Variants in CBR4 observed in about 807,000 individuals in gnomAD.
The protein encoded by CBR4 is carbonyl reductase 4.
Under a neutral mutation model 21.0 loss-of-function variants are expected in CBR4, and 22 were observed. That is an observed-to-expected ratio of 1.05 (90% CI 0.75 to 1.50). The LOEUF is 1.50. Ranked by LOEUF, CBR4 falls within the 40% of genes most tolerant of loss-of-function variation. CBR4 has a pLI of 0.00. For missense variants in CBR4, 302 were observed against 286.3 expected (o/e 1.05, Z -0.40); for synonymous variants, 100 against 104.4 (o/e 0.96, Z 0.26).
At chr4:168,994,879 C>T (rs975949593) in intron 4 of CBR4, among the ~76,000 whole-genome samples, 1 of 151,710 alleles carries the variant, frequency 6.6e-6, no homozygotes, top group Non-Finnish European at 1.5e-5. Context: ...CTTAGCCTCC[C>T]GAGTAGTTAG....
At chr4:168,965,618 T>C (rs1763999791) in intron 2 of CBR4, among the ~76,000 whole-genome samples, 1 of 152,200 alleles carries the variant, frequency 6.6e-6, no homozygotes, top group South Asian at 2.1e-4. Flanking sequence ...CCATCTGATC[T>C]TTGACAAACC....
At chr4:168,924,215 T>C in intron 2 of CBR4, 1 of 1,572,300 alleles carries the variant, frequency 6.4e-7, no homozygotes, top group Admixed American at 1.7e-5. Context: ...GTGCTCCTTT[T>C]GTATATCATT....
intron 2 of CBR4, among the ~76,000 whole-genome samples, chr4:168,910,804 G>A (rs992885780): frequency 6.6e-6 from 1 of 152,272 alleles, no homozygotes; most frequent in African/African-American, 2.4e-5. Context: ...AATGCAATAC[G>A]AAGGTATTTA....
Position 168,918,623 on chromosome 4 carries a change from AC to A in CBR4, n.170-23859del, listed in dbSNP as rs541922472. 4.6e-5 allele frequency among the ~76,000 whole-genome samples: 7 copies of A among 152,300 alleles called. No individual in the cohort carries two copies. The East Asian group carries it at 1.4e-3, about 29-fold the overall frequency. On this transcript the variant is annotated intron_variant and non_coding_transcript_variant, in intron 2 of 3. Transcript: ENST00000509108. ...AAGAGATCTGTTGTACAACATGGTG[AC>A]TATAGTTAATAACGATGTACTATAT... is the stretch of plus-strand genomic sequence containing the variant.
intron 2 of CBR4, among the ~76,000 whole-genome samples, chr4:168,943,085 C>T (rs954704609): frequency 1.3e-5 from 2 of 152,204 alleles, no homozygotes; most frequent in African/African-American, 2.4e-5. Flanking sequence ...ACAAAGAGAA[C>T]TACCATACGA....
At chr4:168,895,417 T>C (rs1283643585) in intron 2 of CBR4, among the ~76,000 whole-genome samples, 1 of 152,194 alleles carries the variant, frequency 6.6e-6, no homozygotes, top group African/African-American at 2.4e-5. Flanking sequence ...TATACGACTT[T>C]TGACTCTTCA....
intron 2 of CBR4, among the ~76,000 whole-genome samples, chr4:168,895,392 A>T (rs1424803763): frequency 6.6e-6 from 1 of 152,230 alleles, no homozygotes; most frequent in Non-Finnish European, 1.5e-5. Flanking sequence ...AAAACAAAAC[A>T]AAACTAAAAA....
rs1762353882 is a variant in CBR4 at position 168,925,241 on chromosome 4, C to T, written n.170-30476G>A. On this transcript the variant is annotated intron_variant and non_coding_transcript_variant, in intron 2 of 3. Coordinates refer to the CBR4 transcript ENST00000509108. ...TCTCTTTCTATTTGTAGTTTCTCGA[C>T]ATTAATAGTGAACCACACCAGGAGA... 1 of 1,608,742 alleles carries T rather than the reference C, an allele frequency of 6.2e-7. No homozygotes were observed. The highest frequency in any genetic ancestry group is 1.1e-5 in the South Asian group (1 of 90,974).
rs776393182 is a variant in CBR4 at position 168,903,711 on chromosome 4, A to C, written n.170-8946T>G. ...CTATTTTCAGTTCTCCAAATAGAGTAGGAATACACAAACTCCTAATCTTTA... is the reference window on the plus strand; with the variant it reads ...CTATTTTCAGTTCTCCAAATAGAGTCGGAATACACAAACTCCTAATCTTTA... On this transcript the variant is annotated intron_variant and non_coding_transcript_variant, in intron 2 of 3. Coordinates refer to the CBR4 transcript ENST00000509108. 1.2e-5 allele frequency: 18 copies of C among 1,480,340 alleles called. No individual in the cohort carries two copies. The Admixed American group carries it at 2.8e-4, about 23-fold the overall frequency. 91.7% of individuals were successfully genotyped at this position (1,480,340 alleles called of 1,614,324 possible).
chr4:168,924,219 T>G (rs1703500590), intron 2 of CBR4: 2 of 1,583,114 alleles, frequency 1.3e-6, no homozygotes, highest in South Asian at 2.2e-5. Context: ...TCCTTTTGTA[T>G]ATCATTGATA....
intron 2 of CBR4, among the ~76,000 whole-genome samples, chr4:168,960,054 G>C (rs1560964422): frequency 6.6e-6 from 1 of 151,912 alleles, no homozygotes; most frequent in African/African-American, 2.4e-5. Flanking sequence ...TCAACATACA[G>C]GTTTTATACT....
At chr4:168,924,552 C>A in intron 2 of CBR4, 1 of 957,090 alleles carries the variant, frequency 1.0e-6, no homozygotes, top group East Asian at 2.6e-5. Context: ...TGAAATCAAT[C>A]AAAGACAAAA....
intron 2 of CBR4, among the ~76,000 whole-genome samples, chr4:168,962,188 A>T (rs1763883180): frequency 6.6e-6 from 1 of 152,234 alleles, no homozygotes; most frequent in Non-Finnish European, 1.5e-5. Flanking sequence ...ATTAAAAGGT[A>T]AGTCAAAAAC....
At chr4:168,947,508 C>A (rs1406020931) in intron 2 of CBR4, among the ~76,000 whole-genome samples, 2 of 152,112 alleles carry the variant, frequency 1.3e-5, no homozygotes, top group African/African-American at 4.8e-5. Context: ...ACACTGCACC[C>A]TATTTGTAAT....
At chr4:169,008,234 A>G (rs1731088210) in intron 1 of CBR4, among the ~76,000 whole-genome samples, 1 of 152,174 alleles carries the variant, frequency 6.6e-6, no homozygotes, top group South Asian at 2.1e-4. Context: ...CACATATATT[A>G]TAACGACTAT....
At chr4:168,956,253 G>A (rs990876456) in intron 2 of CBR4, among the ~76,000 whole-genome samples, 1 of 152,020 alleles carries the variant, frequency 6.6e-6, no homozygotes, top group African/African-American at 2.4e-5. Flanking sequence ...TCCAGCACTG[G>A]GAGGACCCCA....
At chr4:168,942,262 T>C (rs1235341131) in intron 2 of CBR4, among the ~76,000 whole-genome samples, 1 of 151,780 alleles carries the variant, frequency 6.6e-6, no homozygotes, top group African/African-American at 2.4e-5. Flanking sequence ...AGGGAGAGCA[T>C]TAGAACAAAT....
chr4:168,897,242 A>G (rs1253980710), intron 2 of CBR4, among the ~76,000 whole-genome samples: 1 of 152,212 alleles, frequency 6.6e-6, no homozygotes, highest in Non-Finnish European at 1.5e-5. Flanking sequence ...TAATTCTTCA[A>G]GGGATTAATT....
chr4:168,975,824 A>C (rs1352778463), intron 2 of CBR4, among the ~76,000 whole-genome samples: 2 of 152,036 alleles, frequency 1.3e-5, no homozygotes, highest in Non-Finnish European at 2.9e-5. Context: ...TCCCAGGGGG[A>C]TTATGGCTGC....
Sources: gnomAD v4.1 joint callset for allele counts (sites outside exome capture counted in the v4.1 genomes callset) on GRCh38, gnomAD v4.1.1 for gene constraint, MANE v1.5 for transcripts, NCBI Gene and HGNC (gene_info 2026-07-23, HGNC 2026-07-21) for gene names.